TAF1A: variants seen among roughly 807,000 people sequenced by gnomAD.
The protein encoded by TAF1A is TATA-box binding protein associated factor, RNA polymerase I subunit A, also known as TATA box-binding protein-associated factor RNA polymerase I subunit A.
TAF1A carries 42 observed loss-of-function variants against 61.6 expected under a neutral mutation model. The observed-to-expected ratio is 0.68, with a 90% CI of 0.53 to 0.88. The LOEUF (loss-of-function observed/expected upper bound fraction) is 0.88, where lower values mean the gene tolerates loss of function less well. TAF1A is among the 40% of genes least tolerant of loss of function. TAF1A has a pLI of 0.00. For missense variants in TAF1A, 424 were observed against 518.7 expected (o/e 0.82, Z 1.77); for synonymous variants, 179 against 177.7 (o/e 1.01, Z -0.06).
chr1:222,557,184 G>GTGAGT (rs761910768), downstream of TAF1A, among the ~76,000 whole-genome samples: 3 of 152,214 alleles, frequency 2.0e-5, no homozygotes, highest in African/African-American at 7.2e-5. Context: ...TCTGAAGTTA[G>GTGAGT]TGAGTCTTCA....
At chr1:222,559,366 A>C (rs1659822227) in intron 10 of TAF1A, among the ~76,000 whole-genome samples, 1 of 152,258 alleles carries the variant, frequency 6.6e-6, no homozygotes, top group African/African-American at 2.4e-5. Context: ...GCTCTCACAG[A>C]GGTGCCTCAT....
In TAF1A at chr1:222,561,346, C is replaced by T. The variant is rs146873388; in HGVS notation, c.1240+18G>A. 6.3e-5 allele frequency: 100 copies of T among 1,588,562 alleles called. No individual in the cohort carries two copies. Among genetic ancestry groups the T allele is most frequent in the Middle Eastern group, 1.7e-4 (1 of 5,948 alleles). On this transcript the variant is annotated intron_variant, in intron 10 of 10. Transcript: ENST00000352967. ...CAGCCAAAGCTGTGTCTAGATAAAA[C>T]GAAAATAAAAACTGTACCTTTTCCT...
intron 2 of TAF1A, among the ~76,000 whole-genome samples, chr1:222,585,097 A>AGGTGAAAGCAC (rs1394678191): frequency 1.6e-4 from 24 of 152,338 alleles, no homozygotes; most frequent in Middle Eastern, 3.4e-3. Context: ...ATCATTACAC[A>AGGTGAAAGCAC]CTATCTGAAG....
intron 2 of TAF1A, among the ~76,000 whole-genome samples, chr1:222,585,739 G>A (rs1558155432): frequency 6.6e-6 from 1 of 151,960 alleles, no homozygotes; most frequent in Non-Finnish European, 1.5e-5. Context: ...TATAAATATT[G>A]ATACATACTT....
intron 9 of TAF1A, among the ~76,000 whole-genome samples, chr1:222,562,610 T>A (rs1659960413): frequency 6.6e-6 from 1 of 152,234 alleles, no homozygotes; most frequent in South Asian, 2.1e-4. Flanking sequence ...ATATCCCTTC[T>A]TCTCACACAC....
chr1:222,575,270 T>C (rs1660522267), intron 5 of TAF1A, among the ~76,000 whole-genome samples: 3 of 152,014 alleles, frequency 2.0e-5, no homozygotes, highest in African/African-American at 7.2e-5. Flanking sequence ...CCTGTAATCC[T>C]AGCAGTTTGG....
intron 10 of TAF1A, 77 bp from the exon 11 acceptor site, chr1:222,558,849 G>C (rs1449111626): frequency 7.7e-6 from 5 of 647,084 alleles, no homozygotes; most frequent in Non-Finnish European, 9.9e-6. Flanking sequence ...TAAAAATTCT[G>C]CTTTAAGTTT....
chr1:222,583,848 A>G (rs1660901107), intron 3 of TAF1A, among the ~76,000 whole-genome samples: 1 of 152,018 alleles, frequency 6.6e-6, no homozygotes, highest in Non-Finnish European at 1.5e-5. Context: ...AAAAAAAAAA[A>G]AAAAAGATAG....
At chr1:222,555,142 T>C (rs1443547811), downstream of TAF1A, among the ~76,000 whole-genome samples, 1 of 152,094 alleles carries the variant, frequency 6.6e-6, no homozygotes, top group Non-Finnish European at 1.5e-5. Flanking sequence ...CAAAGATAAG[T>C]GCTAGGGAGG....
At chr1:222,569,747 C>CT (rs1660272144) in intron 6 of TAF1A, 79 bp from the exon 7 acceptor site, 1 of 1,298,644 alleles carries the variant, frequency 7.7e-7, no homozygotes, top group African/African-American at 1.5e-5. Context: ...CATAAGTTTA[C>CT]TGATGGGTAT....
chr1:222,560,791 T>C (rs1659882114), intron 10 of TAF1A, among the ~76,000 whole-genome samples: 1 of 152,200 alleles, frequency 6.6e-6, no homozygotes, highest in South Asian at 2.1e-4. Context: ...GGTAGTTTCA[T>C]TTCGGTACTG....
rs180780254 is a variant in TAF1A, at chr1:222,584,495, T to C, written c.122-198A>G. On this transcript the variant is annotated intron_variant, in intron 2 of 10. Coordinates refer to ENST00000352967, the MANE Select transcript of TAF1A (RefSeq NM_005681.4). ...AATTATTTTTAGCAGATAAAAACAT[T>C]TCTAATTTGATGTTTTGGGGCTACT... Among the ~76,000 whole-genome samples, 231 of 152,298 alleles carry C rather than the reference T, an allele frequency of 1.5e-3. 1 individual carries two copies. The highest frequency in any genetic ancestry group is 3.5e-3 in the South Asian group (17 of 4,824).
At chr1:222,582,659 C>G (rs1462083426) in intron 3 of TAF1A, among the ~76,000 whole-genome samples, 1 of 152,240 alleles carries the variant, frequency 6.6e-6, no homozygotes, top group African/African-American at 2.4e-5. Flanking sequence ...TTCGCAGAAG[C>G]ATTATTTCCA....
chr1:222,555,863 A>C (rs1659719068), downstream of TAF1A, among the ~76,000 whole-genome samples: 1 of 152,298 alleles, frequency 6.6e-6, no homozygotes, highest in South Asian at 2.1e-4. Context: ...AGGAGAAAAC[A>C]AGACTTTAAA....
chr1:222,579,049 A>T (rs1176488413), intron 4 of TAF1A, among the ~76,000 whole-genome samples: 1 of 152,196 alleles, frequency 6.6e-6, no homozygotes, highest in Non-Finnish European at 1.5e-5. Flanking sequence ...CAGAGCACAC[A>T]TCAGGGTAGG....
chr1:222,584,431 A>G, intron 2 of TAF1A, 134 bp from the exon 3 acceptor site: 1 of 678,556 alleles, frequency 1.5e-6, no homozygotes. Context: ...CCAGTACCAA[A>G]GCCAGCTTCA....
intron 5 of TAF1A, among the ~76,000 whole-genome samples, chr1:222,573,814 G>A (rs1467134563): frequency 2.0e-5 from 3 of 152,116 alleles, no homozygotes; most frequent in Non-Finnish European, 4.4e-5. Context: ...TCACAGCAAT[G>A]TTATTCAAAA....
chr1:222,570,630 C>T lies in TAF1A; in HGVS notation c.640G>A (p.Asp214Asn). 1 of 1,611,936 alleles carries T rather than the reference C, an allele frequency of 6.2e-7. No homozygotes were observed. The highest frequency in any genetic ancestry group is 8.5e-7 in the Non-Finnish European group (1 of 1,178,448). ...GTCTTCCAGCTGTGGTTGAACACATCCTGGGCTACTGCATTGTAAGCATAA... is the reference window on the plus strand; with the variant it reads ...GTCTTCCAGCTGTGGTTGAACACATTCTGGGCTACTGCATTGTAAGCATAA... The part of the protein sequence containing the change: ...DDYAYNAVAQ[D>N]VFNHSWKTSA... The change falls in exon 6 of 11, where the codon GAT (aspartate) becomes AAT (asparagine). Residue 214 changes from aspartate (D) to asparagine (N), a missense_variant. Coordinates refer to ENST00000352967, the MANE Select transcript of TAF1A (RefSeq NM_005681.4).
rs1200362326 is a variant in TAF1A at position 222,584,187 on chromosome 1, A to C, written c.232T>G (p.Tyr78Asp). The change falls in exon 3 of 11, where the codon TAC (tyrosine) becomes GAC (aspartate). Residue 78 changes from tyrosine (Y) to aspartate (D), a missense_variant. Coordinates refer to ENST00000352967, the MANE Select transcript of TAF1A (RefSeq NM_005681.4). ...HQWQQAAEYM[Y>D]SYFQTLEDSD... ...TCTTCCAAGGTCTGAAAATAACTGT[A>C]CATGTATTCTGCAGCTTGCTGCCAT... 1 of 1,613,054 alleles carries C rather than the reference A, an allele frequency of 6.2e-7. No individual in the cohort carries two copies. Among genetic ancestry groups the C allele is most frequent in the Non-Finnish European group, 8.5e-7 (1 of 1,179,808 alleles).
Sources: allele counts gnomAD v4.1 joint callset (sites outside exome capture counted in the v4.1 genomes callset), GRCh38; gene constraint gnomAD v4.1.1; transcripts MANE v1.5; gene names NCBI Gene and HGNC (gene_info 2026-07-23, HGNC 2026-07-21).